Variants in NOL10 observed in about 807,000 individuals in gnomAD.
NOL10 encodes the protein H_NH0074G24.1.
In NOL10, 58 loss-of-function variants were observed where a neutral mutation model predicts 103.5. That is an observed-to-expected ratio of 0.56 (90% CI 0.45 to 0.70). The LOEUF (loss-of-function observed/expected upper bound fraction) is 0.70, where lower values mean the gene tolerates loss of function less well. NOL10 is among the 30% of genes least tolerant of loss of function. The probability of loss-of-function intolerance (pLI) is 0.00; values close to 1 mark genes in which losing one functional copy is unlikely to be tolerated. For missense variants in NOL10, 763 were observed against 807.3 expected, an observed-to-expected ratio of 0.95 and a Z score of 0.67; for synonymous variants, 287 against 282.5, an observed-to-expected ratio of 1.02 and a Z score of -0.16.
intron 12 of NOL10, among the ~76,000 whole-genome samples, chr2:10,645,411 T>C (rs1162061135): frequency 1.3e-5 from 2 of 152,220 alleles, no homozygotes; most frequent in Non-Finnish European, 2.9e-5. Context: ...AAAATATTTT[T>C]TGCTGCCTTT....
intron 4 of NOL10, 100 bp from the exon 5 acceptor site, chr2:10,673,657 A>C: frequency 1.5e-6 from 1 of 664,840 alleles, no homozygotes; most frequent in Non-Finnish European, 2.5e-6. Flanking sequence ...GAAATTATAT[A>C]CATACCAGTT....
chr2:10,639,559 G>C (rs1466572502), intron 13 of NOL10, among the ~76,000 whole-genome samples: 4 of 152,184 alleles, frequency 2.6e-5, no homozygotes, highest in Non-Finnish European at 5.9e-5. Flanking sequence ...GGAGTGCCCT[G>C]ATATGCTAGG....
At chr2:10,652,218 G>A (rs1679514906) in intron 12 of NOL10, among the ~76,000 whole-genome samples, 1 of 150,462 alleles carries the variant, frequency 6.6e-6, no homozygotes. Flanking sequence ...CCAGCCTGGG[G>A]GACAGAGGGA....
At position 10,572,014 on chromosome 2, in the gene NOL10, T is replaced by C. The variant is rs1310435777; in HGVS notation, c.*57A>G. 4.4e-6 allele frequency: 7 copies of C among 1,592,604 alleles called. No individual in the cohort carries two copies. Among genetic ancestry groups the C allele is most frequent in the Non-Finnish European group, 8.6e-7 (1 of 1,163,424 alleles). ...TCGTCTGTGTTTAACACCCTAACGA[T>C]GATCAGTTTGGGGGAGACGTACCCC... is the stretch of plus-strand genomic sequence containing the variant. On this transcript the variant is annotated 3_prime_UTR_variant, in exon 21 of 21. Transcript: ENST00000381685.
intron 13 of NOL10, among the ~76,000 whole-genome samples, chr2:10,615,503 C>T (rs1676785225): frequency 6.6e-6 from 1 of 152,150 alleles, no homozygotes; most frequent in African/African-American, 2.4e-5. Context: ...CATTTAAACA[C>T]CAAATTAAAA....
intron 3 of NOL10, among the ~76,000 whole-genome samples, chr2:10,678,421 T>TTA (rs71392254): frequency 8.6e-6 from 1 of 116,728 alleles, no homozygotes; most frequent in African/African-American, 2.9e-5. Context: ...AAAAAAGTGG[T>TTA]AAAAAAAAAA....
chr2:10,678,193 T>G (rs897080151), intron 3 of NOL10, among the ~76,000 whole-genome samples: 2 of 150,914 alleles, frequency 1.3e-5, no homozygotes, highest in Non-Finnish European at 2.9e-5. Flanking sequence ...ACACTACAGG[T>G]GCACACCACC....
chr2:10,593,734 T>C (rs917860760), intron 17 of NOL10, among the ~76,000 whole-genome samples: 2 of 152,180 alleles, frequency 1.3e-5, no homozygotes, highest in Non-Finnish European at 2.9e-5. Flanking sequence ...AGGCTGGCAC[T>C]GCAAGAGCAA....
chr2:10,607,170 CA>C lies in NOL10; in HGVS notation c.1153+14del. ...AAAGTAATTACATAATATTTCATCACAATTTTTTTTTTACCTAAATTTTCAA... is the reference window on the plus strand; with the variant it reads ...AAAGTAATTACATAATATTTCATCACATTTTTTTTTTACCTAAATTTTCAA... On this transcript the variant is annotated intron_variant, in intron 14 of 20. Transcript: ENST00000381685. 1 of 1,498,624 alleles carries C rather than the reference CA, an allele frequency of 6.7e-7. No homozygotes were observed. The highest frequency in any genetic ancestry group is 9.0e-7 in the Non-Finnish European group (1 of 1,107,146). 92.8% of individuals were successfully genotyped at this position (1,498,624 alleles called of 1,614,324 possible). A position where few individuals can be genotyped will look rare whatever the true frequency, so the allele number is the denominator to read the frequency against.
chr2:10,649,509 A>G (rs1679321303), intron 12 of NOL10, among the ~76,000 whole-genome samples: 1 of 151,816 alleles, frequency 6.6e-6, no homozygotes, highest in Non-Finnish European at 1.5e-5. Flanking sequence ...TGGTAGAGAC[A>G]GGGTTTCACC....
intron 3 of NOL10, among the ~76,000 whole-genome samples, chr2:10,678,791 C>G (rs1482749054): frequency 1.3e-5 from 2 of 152,160 alleles, no homozygotes; most frequent in Non-Finnish European, 2.9e-5. Flanking sequence ...AAGTGACATT[C>G]CAACTCCATT....
chr2:10,685,006 G>C (rs1346752816), intron 1 of NOL10, among the ~76,000 whole-genome samples: 1 of 152,098 alleles, frequency 6.6e-6, no homozygotes, highest in Non-Finnish European at 1.5e-5. Flanking sequence ...GGCCAGATAA[G>C]AAATTTTTTG....
In NOL10 at chr2:10,668,581, T is replaced by A. The variant is rs187988057; in HGVS notation, c.530+77A>T. 5.6e-4 allele frequency: 378 copies of A among 680,964 alleles called. No individual in the cohort carries two copies. In the African/African-American group the frequency reaches 6.3e-3, roughly 11 times the overall value. The allele number at this position is 680,964 out of a possible 1,614,324, so 42.2% of individuals were successfully genotyped here. On this transcript the variant is annotated intron_variant, in intron 7 of 20. Coordinates refer to ENST00000381685, the MANE Select transcript of NOL10 (RefSeq NM_024894.4). ...TTTTGCTTAATTGCAATAGTTTATGTTACTTGTTAACAAACTGAGCATCTG... is the reference window on the plus strand; with the variant it reads ...TTTTGCTTAATTGCAATAGTTTATGATACTTGTTAACAAACTGAGCATCTG...
intron 13 of NOL10, among the ~76,000 whole-genome samples, chr2:10,619,994 A>G (rs961888149): frequency 6.6e-6 from 1 of 152,218 alleles, no homozygotes; most frequent in Non-Finnish European, 1.5e-5. Context: ...CCACATGCAC[A>G]CGCACACATG....
At chr2:10,676,215 TTGA>T (rs1160718496) in intron 3 of NOL10, among the ~76,000 whole-genome samples, 4 of 152,230 alleles carry the variant, frequency 2.6e-5, no homozygotes, top group Admixed American at 2.6e-4. Flanking sequence ...TATACTGTTG[TTGA>T]TTAGTATACA....
intron 13 of NOL10, among the ~76,000 whole-genome samples, chr2:10,634,107 T>C (rs971333488): frequency 1.3e-5 from 2 of 152,174 alleles, no homozygotes; most frequent in African/African-American, 4.8e-5. Flanking sequence ...GTATTACAGG[T>C]GTGACCAACC....
At chr2:10,604,191 C>T (rs1383205798) in intron 14 of NOL10, among the ~76,000 whole-genome samples, 1 of 152,202 alleles carries the variant, frequency 6.6e-6, no homozygotes, top group Non-Finnish European at 1.5e-5. Flanking sequence ...TCGCCTCCTG[C>T]TGTGTGGCCC....
At chr2:10,669,495 CATACACACACACAT>C (rs1680783185) in intron 6 of NOL10, among the ~76,000 whole-genome samples, 1 of 108,332 alleles carries the variant, frequency 9.2e-6, no homozygotes, top group African/African-American at 3.6e-5. Flanking sequence ...CACACACACA[CATACACACACACAT>C]ATATACACAC....
At chr2:10,614,212 G>A (rs547026946) in intron 13 of NOL10, among the ~76,000 whole-genome samples, 23 of 152,010 alleles carry the variant, frequency 1.5e-4, no homozygotes, top group African/African-American at 2.4e-4. Context: ...CGCTCACCTC[G>A]GCCTCCTAAA....
Sources: allele counts gnomAD v4.1 joint callset (sites outside exome capture counted in the v4.1 genomes callset), GRCh38; gene constraint gnomAD v4.1.1; transcripts MANE v1.5; gene names NCBI Gene and HGNC (gene_info 2026-07-23, HGNC 2026-07-21).